AGMO: variants seen among roughly 807,000 people sequenced by gnomAD.
The protein encoded by AGMO is alkylglycerol monooxygenase.
AGMO carries 75 observed loss-of-function variants against 60.2 expected under a neutral mutation model. That is an observed-to-expected ratio of 1.25 (90% CI 1.03 to 1.51). The LOEUF is 1.51. Among genes scored for constraint, AGMO ranks in the 40% most tolerant of loss-of-function variants. The pLI is 0.00. For synonymous variants in AGMO, 261 were observed against 177.1 expected (o/e 1.47, Z -3.76); for missense variants, 763 against 525.5 (o/e 1.45, Z -4.42).
chr7:15,245,928 T>C (rs1583323781), intron 12 of AGMO, among the ~76,000 whole-genome samples: 1 of 152,136 alleles, frequency 6.6e-6, no homozygotes, highest in Non-Finnish European at 1.5e-5. Context: ...AATCAGACAC[T>C]ACATAAATGT....
chr7:15,145,730 A>C, the AGMO span, among the ~76,000 whole-genome samples: 2 of 152,268 alleles, frequency 1.3e-5, no homozygotes, highest in Admixed American at 1.3e-4. Flanking sequence ...GAAGATATAA[A>C]GATTATTACC....
chr7:15,475,759 A>C (rs535239634), intron 3 of AGMO, among the ~76,000 whole-genome samples: 2 of 152,254 alleles, frequency 1.3e-5, no homozygotes, highest in South Asian at 4.1e-4. Flanking sequence ...CAACTTATTT[A>C]GATTTTTTTA....
intron 12 of AGMO, among the ~76,000 whole-genome samples, chr7:15,216,309 G>T (rs1404750407): frequency 6.6e-6 from 1 of 152,084 alleles, no homozygotes; most frequent in Non-Finnish European, 1.5e-5. Context: ...CCACAGAGGG[G>T]TTGCCTGCTT....
At chr7:15,239,455 T>A (rs541876444) in intron 12 of AGMO, among the ~76,000 whole-genome samples, 1 of 152,238 alleles carries the variant, frequency 6.6e-6, no homozygotes, top group South Asian at 2.1e-4. Flanking sequence ...AACAATGGAA[T>A]AATTAAGTCA....
intron 3 of AGMO, among the ~76,000 whole-genome samples, chr7:15,531,369 T>C (rs867858038): frequency 3.7e-4 from 32 of 87,304 alleles, no homozygotes; most frequent in African/African-American, 1.7e-3. Context: ...TATATATATA[T>C]TCTATATATA....
At chr7:15,244,500 G>C (rs1023072960) in intron 12 of AGMO, among the ~76,000 whole-genome samples, 1 of 152,104 alleles carries the variant, frequency 6.6e-6, no homozygotes, top group Non-Finnish European at 1.5e-5. Flanking sequence ...TAGAACAAAA[G>C]CTAATAAATG....
chr7:15,361,861 A>G (rs1374600122), intron 12 of AGMO, among the ~76,000 whole-genome samples: 6 of 152,174 alleles, frequency 3.9e-5, no homozygotes, highest in Non-Finnish European at 8.8e-5. Flanking sequence ...ATATAATAAA[A>G]TAATACAACA....
intron 3 of AGMO, among the ~76,000 whole-genome samples, chr7:15,483,697 G>A (rs1051546657): frequency 9.2e-5 from 14 of 152,246 alleles, no homozygotes; most frequent in African/African-American, 2.6e-4. Flanking sequence ...TAACTAGATG[G>A]AGGTAAATAC....
chr7:15,273,280 A>G (rs1224869208), intron 12 of AGMO, among the ~76,000 whole-genome samples: 3 of 152,164 alleles, frequency 2.0e-5, no homozygotes, highest in Non-Finnish European at 4.4e-5. Context: ...TTAAGTCTTC[A>G]ATCCACCTTG....
At chr7:15,400,143 A>T (rs192648350) in intron 5 of AGMO, among the ~76,000 whole-genome samples, 1 of 152,302 alleles carries the variant, frequency 6.6e-6, no homozygotes, top group Non-Finnish European at 1.5e-5. Flanking sequence ...TGTGTCTCTC[A>T]GGTCACATAC....
At chr7:15,235,153 G>A (rs866268009) in intron 12 of AGMO, among the ~76,000 whole-genome samples, 3 of 151,986 alleles carry the variant, frequency 2.0e-5, no homozygotes, top group Non-Finnish European at 2.9e-5. Context: ...TCTCCCCCGG[G>A]TCCTTTGAGT....
the AGMO span, among the ~76,000 whole-genome samples, chr7:15,149,385 T>C: frequency 3.9e-5 from 6 of 152,182 alleles, no homozygotes; most frequent in African/African-American, 1.4e-4. Flanking sequence ...CATGAAATCC[T>C]TGCCAAGGCC....
At chr7:15,254,380 A>G (rs1226585533) in intron 12 of AGMO, among the ~76,000 whole-genome samples, 1 of 152,100 alleles carries the variant, frequency 6.6e-6, no homozygotes, top group Non-Finnish European at 1.5e-5. Flanking sequence ...CCCTTTCTCT[A>G]CATCCTCGCC....
chr7:15,470,629 C>T (rs888397972), intron 3 of AGMO, among the ~76,000 whole-genome samples: 3 of 151,886 alleles, frequency 2.0e-5, no homozygotes, highest in Admixed American at 2.0e-4. Flanking sequence ...CCTTACAATG[C>T]TGAAATTAAA....
the AGMO span, among the ~76,000 whole-genome samples, chr7:15,150,006 T>A: frequency 6.6e-6 from 1 of 151,670 alleles, no homozygotes; most frequent in Non-Finnish European, 1.5e-5. Flanking sequence ...AGGGTTTAGA[T>A]CTTTCACCTT....
At chr7:15,191,874 A>G in the AGMO span, among the ~76,000 whole-genome samples, 3 of 152,052 alleles carry the variant, frequency 2.0e-5, no homozygotes, top group Admixed American at 2.0e-4. Flanking sequence ...TCTCTCTAGC[A>G]TATTTATGAA....
intron 3 of AGMO, among the ~76,000 whole-genome samples, chr7:15,439,004 G>T (rs1049966613): frequency 2.6e-5 from 4 of 152,118 alleles, no homozygotes; most frequent in Admixed American, 1.3e-4. Flanking sequence ...CTAGTAAGCT[G>T]GTGCCTATGT....
chr7:15,232,097 C>T (rs951398501), intron 12 of AGMO, among the ~76,000 whole-genome samples: 18 of 152,222 alleles, frequency 1.2e-4, no homozygotes, highest in South Asian at 8.3e-4. Context: ...ATTTCTCATC[C>T]TCCCACCTGC....
At chr7:15,287,015 T>TA (rs1210391406) in intron 12 of AGMO, among the ~76,000 whole-genome samples, 2 of 152,108 alleles carry the variant, frequency 1.3e-5, no homozygotes, top group Non-Finnish European at 2.9e-5. Flanking sequence ...ATGTGGGAGT[T>TA]AAGCTGTGGG....
Sources: gnomAD v4.1 joint callset for allele counts (sites outside exome capture counted in the v4.1 genomes callset) on GRCh38, gnomAD v4.1.1 for gene constraint, MANE v1.5 for transcripts, NCBI Gene and HGNC (gene_info 2026-07-23, HGNC 2026-07-21) for gene names.